Variants in THRSP observed in about 807,000 individuals in gnomAD.
THRSP encodes the protein thyroid hormone responsive, also known as thyroid hormone-inducible hepatic protein.
THRSP carries 9 observed loss-of-function variants against 11.1 expected under a neutral mutation model. That is an observed-to-expected ratio of 0.81 (90% CI 0.49 to 1.42). The LOEUF (loss-of-function observed/expected upper bound fraction) is 1.42, where lower values mean the gene tolerates loss of function less well. Among genes scored for constraint, THRSP ranks in the 40% most tolerant of loss-of-function variants. The pLI, the probability that THRSP is intolerant of heterozygous loss-of-function variation, is 0.00. For missense variants in THRSP, 177 were observed against 188.2 expected (o/e 0.94, Z 0.35); for synonymous variants, 73 against 78.1 (o/e 0.94, Z 0.34).
intron 1 of THRSP, among the ~76,000 whole-genome samples, chr11:78,066,998 T>C (rs1253476404): frequency 2.0e-5 from 3 of 151,474 alleles, no homozygotes; most frequent in Non-Finnish European, 4.4e-5. Flanking sequence ...GCTAATTTTT[T>C]GTATTTTTAG....
chr11:78,064,231 T>TCTCCAGCCTCCATCACATCCTCATG lies in THRSP; in HGVS notation c.352_376dup (p.His126LeufsTer35), dbSNP rs1858664876. ...CTGGAAGCCCAGTTCCACCTGCACT[T>TCTCCAGCCTCCATCACATCCTCATG]CTCCAGCCTCCATCACATCCTCATG... is the stretch of plus-strand genomic sequence containing the variant. On this transcript the variant is annotated frameshift_variant, in exon 1 of 2. Transcript: ENST00000281030. LOFTEE classifies it high-confidence loss of function. 6.2e-7 allele frequency: 1 copy of TCTCCAGCCTCCATCACATCCTCATG among 1,613,712 alleles called. No individual in the cohort carries two copies. Among genetic ancestry groups the TCTCCAGCCTCCATCACATCCTCATG allele is most frequent in the Admixed American group, 1.7e-5 (1 of 59,986 alleles).
rs778723349 is a variant in THRSP, at chr11:78,063,937, G to C, written c.56G>C (p.Arg19Pro). ...AACTGCCTGCTGACCGTCATGGACC[G>C]GTATGCAGCCGAGGTGCACAACATG... ...PKNCLLTVMD[R>P]YAAEVHNMEQ... Residue 19 changes from arginine (R) to proline (P), a missense_variant, in exon 1 of 2, where the codon CGG (arginine) becomes CCG (proline). Transcript: ENST00000281030. The C allele has an allele frequency of 1.2e-6, 2 of 1,610,512 alleles. No homozygotes were observed. The highest frequency in any genetic ancestry group is 1.7e-5 in the Admixed American group (1 of 59,340).
intron 1 of THRSP, among the ~76,000 whole-genome samples, chr11:78,064,930 A>T (rs527838560): frequency 6.7e-6 from 1 of 149,280 alleles, no homozygotes; most frequent in African/African-American, 2.5e-5. Context: ...CAGAGGTTGC[A>T]GTGAGCTGAG....
Position 78,067,940 on chromosome 11 carries a change from T to C in THRSP, c.*301T>C, listed in dbSNP as rs754102468. 1 of 152,214 alleles carries C rather than the reference T, an allele frequency of 6.6e-6. No individual in the cohort carries two copies. Among genetic ancestry groups the C allele is most frequent in the Non-Finnish European group, 1.5e-5 (1 of 68,058 alleles). The allele number at this position is 152,214 out of a possible 1,614,324, so 9.4% of individuals were successfully genotyped here. ...AGACAATTACCTGTCCAGTGTGGTA[T>C]GGTAGGAAGAGTGTAGGTGTTGGCA... is the stretch of plus-strand genomic sequence containing the variant. On this transcript the variant is annotated 3_prime_UTR_variant, in exon 2 of 2. Transcript: ENST00000281030.
At chr11:78,066,029 G>T (rs1396652223) in intron 1 of THRSP, among the ~76,000 whole-genome samples, 1 of 152,210 alleles carries the variant, frequency 6.6e-6, no homozygotes, top group East Asian at 1.9e-4. Flanking sequence ...GAGCTGTGGG[G>T]CCTTGGGCAA....
intron 1 of THRSP, among the ~76,000 whole-genome samples, chr11:78,066,709 C>T (rs1410289583): frequency 1.3e-5 from 2 of 152,184 alleles, no homozygotes; most frequent in Admixed American, 1.3e-4. Context: ...AGAGCAGCAA[C>T]TCTACGCCAT....
intron 1 of THRSP, among the ~76,000 whole-genome samples, chr11:78,066,989 C>A (rs1013165672): frequency 6.6e-6 from 1 of 151,930 alleles, no homozygotes; most frequent in Non-Finnish European, 1.5e-5. Context: ...CTACACCCAG[C>A]TAATTTTTTG....
In THRSP at chr11:78,064,319, G is replaced by A. The variant is rs770322917; in HGVS notation, c.438G>A (p.Trp146Ter). The A allele has an allele frequency of 1.1e-5, 17 of 1,607,992 alleles. No homozygotes were observed. The highest frequency in any genetic ancestry group is 2.2e-5 in the East Asian group (1 of 44,832). ...RKYQEMTGQV[W>*] is the part of the protein sequence containing the mutation. ...ACCAGGAAATGACGGGACAAGTTTGGTAGACCTTGGACACTAGGGAAGGTA... is the reference window on the plus strand; with the variant it reads ...ACCAGGAAATGACGGGACAAGTTTGATAGACCTTGGACACTAGGGAAGGTA... Residue 146 changes from tryptophan to a stop codon, truncating the protein, a stop_gained, in exon 1 of 2, where the codon TGG becomes TGA. Coordinates refer to ENST00000281030, the MANE Select transcript of THRSP (RefSeq NM_003251.4). LOFTEE classifies it high-confidence loss of function.
At chr11:78,067,039 A>G (rs1858772193) in intron 1 of THRSP, among the ~76,000 whole-genome samples, 1 of 149,664 alleles carries the variant, frequency 6.7e-6, no homozygotes, top group Admixed American at 6.7e-5. Flanking sequence ...GTTGGCCAAG[A>G]TGGTCTCAAT....
rs758510688 is a variant in THRSP, at chr11:78,064,243, A to G, written c.362A>G (p.His121Arg). ...AQFHLHFSSL[H>R]HILMHLTEKA... ...TTCCACCTGCACTTCTCCAGCCTCC[A>G]TCACATCCTCATGCACCTCACCGAG... The change falls in exon 1 of 2, where the codon CAT becomes CGT. Residue 121 changes from histidine to arginine, a missense_variant. Physicochemically the swap from His to Arg is conservative, Grantham distance 29. Transcript: ENST00000281030. The G allele has an allele frequency of 8.7e-6, 14 of 1,614,038 alleles. No homozygotes were observed. The Middle Eastern group carries it at 4.9e-4, about 57-fold the overall frequency.
At chr11:78,064,463 G>A in intron 1 of THRSP, 122 bp downstream of exon 1, 2 of 866,386 alleles carry the variant, frequency 2.3e-6, no homozygotes, top group Non-Finnish European at 3.5e-6. Context: ...CCACTCTTGG[G>A]TCAGGGTATT....
chr11:78,066,950 C>T (rs572749839), intron 1 of THRSP, among the ~76,000 whole-genome samples: 4 of 151,912 alleles, frequency 2.6e-5, no homozygotes, highest in South Asian at 4.2e-4. Context: ...CTCAGCCACC[C>T]GAGTAGTTGG....
In THRSP at chr11:78,067,855, C is replaced by G. The variant is rs554866402; in HGVS notation, c.*216C>G. 6.6e-6 allele frequency: 1 copy of G among 152,334 alleles called. No individual in the cohort carries two copies. The highest frequency in any genetic ancestry group is 6.5e-5 in the Admixed American group (1 of 15,296). The allele number at this position is 152,334 out of a possible 1,614,324, so 9.4% of individuals were successfully genotyped here. A position where few individuals can be genotyped will look rare whatever the true frequency, so the allele number is the denominator to read the frequency against. On this transcript the variant is annotated 3_prime_UTR_variant, in exon 2 of 2. Transcript: ENST00000281030. ...CACCTTTAGAATGTCTGTTGCTATT[C>G]ACTGCTCCCCTCGCTCCTCTTAACA...
At chr11:78,066,448 A>G (rs1291790255) in intron 1 of THRSP, among the ~76,000 whole-genome samples, 1 of 152,186 alleles carries the variant, frequency 6.6e-6, no homozygotes. Flanking sequence ...TACAGGCATG[A>G]GCCACCGCGC....
At chr11:78,067,306 G>C (rs634768) in intron 1 of THRSP, among the ~76,000 whole-genome samples, 2 of 151,162 alleles carry the variant, frequency 1.3e-5, no homozygotes, top group Admixed American at 1.3e-4. Context: ...ACTTTTAGTA[G>C]AGACAGGGTT....
At chr11:78,064,464 T>C in intron 1 of THRSP, 123 bp downstream of exon 1, 1 of 857,088 alleles carries the variant, frequency 1.2e-6, no homozygotes, top group South Asian at 1.8e-5. Context: ...CACTCTTGGG[T>C]CAGGGTATTG....
chr11:78,064,069 T>C lies in THRSP; in HGVS notation c.188T>C (p.Leu63Pro), dbSNP rs776587057. 4 of 1,614,078 alleles carry C rather than the reference T, an allele frequency of 2.5e-6. No homozygotes were observed. In the Admixed American group the frequency reaches 6.7e-5, roughly 27 times the overall value. Residue 63 changes from leucine to proline, a missense_variant, in exon 1 of 2, where the codon CTC becomes CCC. Transcript: ENST00000281030. ...APDLYTYFTM[L>P]KAICVDVDHG... ...GATCTCTACACCTACTTCACCATGC[T>C]CAAGGCCATCTGTGTGGATGTGGAC...
chr11:78,065,174 T>A (rs1358889283), intron 1 of THRSP, among the ~76,000 whole-genome samples: 1 of 152,152 alleles, frequency 6.6e-6, no homozygotes, highest in Non-Finnish European at 1.5e-5. Flanking sequence ...GGGGGTACTC[T>A]GACCATCCCA....
In THRSP at chr11:78,064,893, G is replaced by T. The variant is rs186187630; in HGVS notation, c.*19+552G>T. On this transcript the variant is annotated intron_variant, in intron 1 of 1. Transcript: ENST00000281030. ...AGTCCCAGCTACTCGGGAGGCTGAG[G>T]CAGGAGAATGGCATGAACCTGGGAG... Among the ~76,000 whole-genome samples, 536 of 151,486 alleles carry T rather than the reference G, an allele frequency of 3.5e-3. 1 individual carries two copies. Among genetic ancestry groups the T allele is most frequent in the African/African-American group, 0.012 (506 of 41,262 alleles).
Sources: allele counts gnomAD v4.1 joint callset (sites outside exome capture counted in the v4.1 genomes callset), GRCh38; gene constraint gnomAD v4.1.1; transcripts MANE v1.5; gene names NCBI Gene and HGNC (gene_info 2026-07-23, HGNC 2026-07-21).